Variants in CMSS1 observed in about 807,000 individuals in gnomAD.
CMSS1 encodes the protein protein CMSS1.
A neutral mutation model predicts 43.5 loss-of-function variants in CMSS1; 33 were observed. That is an observed-to-expected ratio of 0.76 (90% confidence interval 0.57 to 1.01). The LOEUF is 1.01. CMSS1 is among the 50% of genes least tolerant of loss of function. The pLI is 0.00. For synonymous variants in CMSS1, 115 were observed against 117.2 expected, an observed-to-expected ratio of 0.98 and a Z score of 0.12; for missense variants, 313 against 326.4, an observed-to-expected ratio of 0.96 and a Z score of 0.32.
intron 1 of CMSS1, among the ~76,000 whole-genome samples, chr3:99,843,451 A>G (rs2107510153): frequency 6.6e-6 from 1 of 152,348 alleles, no homozygotes; most frequent in East Asian, 1.9e-4. Flanking sequence ...TAGAATAGCC[A>G]CATTTCCTAC....
chr3:99,850,022 C>T (rs376021359), intron 1 of CMSS1: 11 of 1,607,042 alleles, frequency 6.8e-6, no homozygotes, highest in Admixed American at 3.4e-5. Flanking sequence ...TCTTCTACAT[C>T]GGTTTTGGAC....
At chr3:100,061,989 A>G (rs1369490942) in intron 1 of CMSS1, among the ~76,000 whole-genome samples, 2 of 151,754 alleles carry the variant, frequency 1.3e-5, no homozygotes, top group East Asian at 3.9e-4. Flanking sequence ...CATCTCCACA[A>G]ACTTTTTCAT....
chr3:99,955,482 G>A (rs781368352), intron 1 of CMSS1, among the ~76,000 whole-genome samples: 111 of 152,144 alleles, frequency 7.3e-4, no homozygotes, highest in Non-Finnish European at 1.2e-3. Flanking sequence ...TTATTAAACC[G>A]GAATTTAGTG....
At chr3:99,860,555 G>A (rs1216401878) in intron 1 of CMSS1, among the ~76,000 whole-genome samples, 1 of 152,136 alleles carries the variant, frequency 6.6e-6, no homozygotes, top group Non-Finnish European at 1.5e-5. Flanking sequence ...CCAGTCTGAG[G>A]GTCCACAGGC....
chr3:99,847,823 GT>G (rs2107519431), intron 1 of CMSS1: 1 of 441,726 alleles, frequency 2.3e-6, no homozygotes, highest in South Asian at 9.5e-5. Context: ...GGTCCTGTTT[GT>G]TTTTAAGGAA....
chr3:100,116,033 T>C (rs1022049460), intron 1 of CMSS1, among the ~76,000 whole-genome samples: 2 of 152,180 alleles, frequency 1.3e-5, no homozygotes, highest in African/African-American at 2.4e-5. Context: ...CATTGTGAGA[T>C]TGAAATTGTG....
chr3:99,924,898 A>G (rs1707242334), intron 1 of CMSS1, among the ~76,000 whole-genome samples: 1 of 152,222 alleles, frequency 6.6e-6, no homozygotes, highest in African/African-American at 2.4e-5. Context: ...TTCAATACAA[A>G]TGTAGTCTCT....
At chr3:99,906,845 C>T (rs934922031) in intron 1 of CMSS1, among the ~76,000 whole-genome samples, 13 of 152,140 alleles carry the variant, frequency 8.5e-5, no homozygotes, top group Middle Eastern at 3.2e-3. Flanking sequence ...ATGTATTTTG[C>T]CATTTTCCCC....
intron 1 of CMSS1, among the ~76,000 whole-genome samples, chr3:100,090,510 A>T (rs1289692661): frequency 1.3e-5 from 2 of 152,152 alleles, no homozygotes; most frequent in Non-Finnish European, 2.9e-5. Flanking sequence ...GGCGACAGAG[A>T]TGCATGACTT....
intron 2 of CMSS1, among the ~76,000 whole-genome samples, chr3:100,152,043 G>A (rs1000802115): frequency 6.6e-5 from 10 of 152,102 alleles, no homozygotes; most frequent in African/African-American, 2.2e-4. Context: ...TCAAAAGAAG[G>A]CAAATAGGAG....
At chr3:100,158,866 A>G (rs533507230) in intron 2 of CMSS1, among the ~76,000 whole-genome samples, 1 of 152,370 alleles carries the variant, frequency 6.6e-6, no homozygotes. Context: ...CAACCAGTAC[A>G]CTGAACATAT....
At chr3:99,874,026 G>A (rs1705379015) in intron 1 of CMSS1, among the ~76,000 whole-genome samples, 1 of 152,158 alleles carries the variant, frequency 6.6e-6, no homozygotes, top group Non-Finnish European at 1.5e-5. Context: ...TGTGAGATAG[G>A]GTATCCATGA....
intron 1 of CMSS1, among the ~76,000 whole-genome samples, chr3:100,038,080 C>T (rs1379168606): frequency 1.3e-5 from 2 of 151,752 alleles, no homozygotes; most frequent in South Asian, 2.1e-4. Context: ...CTCAGCCTCC[C>T]GAGTAGCTGG....
chr3:100,065,731 C>A (rs2065652710), intron 1 of CMSS1, among the ~76,000 whole-genome samples: 1 of 152,194 alleles, frequency 6.6e-6, no homozygotes, highest in South Asian at 2.1e-4. Flanking sequence ...ATTCTTGTAT[C>A]TAATTAGTCC....
intron 1 of CMSS1, among the ~76,000 whole-genome samples, chr3:100,088,197 G>A (rs1031387256): frequency 1.3e-5 from 2 of 152,108 alleles, no homozygotes; most frequent in Non-Finnish European, 2.9e-5. Flanking sequence ...TTGCTGGGAT[G>A]GAAAAGGCAG....
intron 1 of CMSS1, among the ~76,000 whole-genome samples, chr3:100,087,997 AT>A (rs897873042): frequency 2.0e-4 from 30 of 152,022 alleles, no homozygotes; most frequent in African/African-American, 6.5e-4. Flanking sequence ...TGCCTGGCTA[AT>A]TTTTATATTT....
intron 1 of CMSS1, among the ~76,000 whole-genome samples, 166 bp downstream of exon 1, chr3:99,818,209 C>T (rs955958008): frequency 3.9e-5 from 6 of 152,256 alleles, no homozygotes; most frequent in African/African-American, 1.4e-4. Context: ...TTCTTTAACA[C>T]GTGAAACAGA....
chr3:99,963,451 G>A (rs966404107), intron 1 of CMSS1, among the ~76,000 whole-genome samples: 3 of 152,100 alleles, frequency 2.0e-5, no homozygotes, highest in African/African-American at 7.2e-5. Flanking sequence ...AGGGGCTGAC[G>A]GTCTCTGTGG....
intron 1 of CMSS1, among the ~76,000 whole-genome samples, chr3:99,878,051 A>G (rs754646737): frequency 1.6e-4 from 25 of 152,120 alleles, no homozygotes; most frequent in Non-Finnish European, 3.1e-4. Context: ...TTCTTTAGCT[A>G]TATTCTGAAG....
Sources: gnomAD v4.1 joint callset for allele counts (sites outside exome capture counted in the v4.1 genomes callset) on GRCh38, gnomAD v4.1.1 for gene constraint, MANE v1.5 for transcripts, NCBI Gene and HGNC (gene_info 2026-07-23, HGNC 2026-07-21) for gene names.